TSPAN9: variants seen among roughly 807,000 people sequenced by gnomAD.
TSPAN9 encodes tetraspanin 9.
A neutral mutation model predicts 31.0 loss-of-function variants in TSPAN9; 16 were observed. The observed-to-expected ratio is 0.52, with a 90% CI of 0.35 to 0.78. TSPAN9 has a LOEUF of 0.78. TSPAN9 is among the 30% of genes least tolerant of loss of function. The pLI is 0.01. For synonymous variants in TSPAN9, 145 were observed against 121.6 expected (o/e 1.19, Z -1.27); for missense variants, 272 against 312.5 (o/e 0.87, Z 0.98).
chr12:3,225,199 G>T (rs994395707), intron 3 of TSPAN9, among the ~76,000 whole-genome samples: 3 of 152,100 alleles, frequency 2.0e-5, no homozygotes, highest in African/African-American at 7.2e-5. Flanking sequence ...CCAGTTGGGG[G>T]ACCGTGGGAA....
At chr12:3,233,845 G>A (rs958418376) in intron 3 of TSPAN9, among the ~76,000 whole-genome samples, 1 of 152,222 alleles carries the variant, frequency 6.6e-6, no homozygotes, top group African/African-American at 2.4e-5. Context: ...GAGCAGTCCT[G>A]TTGGCAGGGG....
chr12:3,146,385 G>C (rs200323742), intron 2 of TSPAN9, among the ~76,000 whole-genome samples: 1 of 152,210 alleles, frequency 6.6e-6, no homozygotes, highest in East Asian at 1.9e-4. Flanking sequence ...TTCCTCCATA[G>C]TCCCCTGACA....
intron 3 of TSPAN9, among the ~76,000 whole-genome samples, chr12:3,258,233 G>A (rs567571951): frequency 2.6e-5 from 4 of 152,210 alleles, no homozygotes; most frequent in African/African-American, 7.2e-5. Flanking sequence ...GGGCTGGTTC[G>A]TCTGCAGGTG....
At chr12:3,228,909 G>T (rs910717663) in intron 3 of TSPAN9, among the ~76,000 whole-genome samples, 4 of 152,204 alleles carry the variant, frequency 2.6e-5, no homozygotes, top group African/African-American at 9.6e-5. Flanking sequence ...TCTGGAGGCT[G>T]CCAGCATTCC....
chr12:3,195,444 G>T (rs563904943), intron 2 of TSPAN9, among the ~76,000 whole-genome samples: 1 of 151,290 alleles, frequency 6.6e-6, no homozygotes, highest in East Asian at 1.9e-4. Context: ...AAAAATAAAA[G>T]AAAAGTGAAG....
chr12:3,282,402 CT>C (rs954422624), intron 8 of TSPAN9, among the ~76,000 whole-genome samples: 2 of 152,060 alleles, frequency 1.3e-5, no homozygotes, highest in East Asian at 1.9e-4. Flanking sequence ...CTTTATTTTT[CT>C]TTTTTTAAGA....
chr12:3,219,578 A>G (rs1404195234), intron 3 of TSPAN9, among the ~76,000 whole-genome samples: 1 of 152,104 alleles, frequency 6.6e-6, no homozygotes, highest in Non-Finnish European at 1.5e-5. Context: ...AAGACTATAA[A>G]GATTTGTTTG....
At chr12:3,185,227 G>A (rs1397122133) in intron 2 of TSPAN9, among the ~76,000 whole-genome samples, 1 of 152,188 alleles carries the variant, frequency 6.6e-6, no homozygotes, top group Non-Finnish European at 1.5e-5. Context: ...AAGGGAGTTG[G>A]GGGACTCGGC....
chr12:3,226,776 ATATATATATATATATATATT>A (rs2098387897), intron 3 of TSPAN9, among the ~76,000 whole-genome samples: 1 of 1,840 alleles, frequency 5.4e-4, no homozygotes, highest in African/African-American at 1.7e-3. Context: ...ATATATATAT[ATATATATATATATATATATT>A]TTTTTTTTTT....
intron 2 of TSPAN9, among the ~76,000 whole-genome samples, chr12:3,152,206 GA>G (rs1448660510): frequency 2.0e-5 from 3 of 152,206 alleles, no homozygotes; most frequent in African/African-American, 7.2e-5. Flanking sequence ...AGCTCATAGG[GA>G]AGCAGCTGCC....
At chr12:3,252,462 C>T (rs1473656588) in intron 3 of TSPAN9, among the ~76,000 whole-genome samples, 2 of 152,196 alleles carry the variant, frequency 1.3e-5, no homozygotes, top group Non-Finnish European at 2.9e-5. Context: ...GAAATCCCAG[C>T]CCCTGGGCTC....
chr12:3,195,670 C>T lies in TSPAN9; in HGVS notation c.-17-5507C>T, dbSNP rs527284092. Among the ~76,000 whole-genome samples, 6 of 152,318 alleles carry T rather than the reference C, an allele frequency of 3.9e-5. No individual in the cohort carries two copies. The East Asian group carries it at 5.8e-4, about 15-fold the overall frequency. Reference sequence around the variant, plus strand: ...TTCATCTCTTGCCTCTCCTCCACCCCGATGCCAGTGCCAGGCCCAGCTTCC... The same window carrying T: ...TTCATCTCTTGCCTCTCCTCCACCCTGATGCCAGTGCCAGGCCCAGCTTCC... On this transcript the variant is annotated intron_variant, in intron 2 of 8. Transcript: ENST00000011898.
rs546779582 is a variant in TSPAN9, at chr12:3,118,425, C to T, written c.-18+34706C>T. Reference sequence around the variant, plus strand: ...GACAGGCACCCACCATCATGCCCGGCTAATTTTTGTATTTTTGTAGAGACG... The same window carrying T: ...GACAGGCACCCACCATCATGCCCGGTTAATTTTTGTATTTTTGTAGAGACG... On this transcript the variant is annotated intron_variant, in intron 2 of 8. Coordinates refer to ENST00000011898, the MANE Select transcript of TSPAN9 (RefSeq NM_006675.5). 1.0e-3 allele frequency among the ~76,000 whole-genome samples: 155 copies of T among 151,752 alleles called. 1 individual carries two copies. Among genetic ancestry groups the T allele is most frequent in the African/African-American group, 3.6e-3 (149 of 41,404 alleles).
In TSPAN9 at chr12:3,212,632, T is replaced by C. The variant is rs543706238; in HGVS notation, c.63+11376T>C. Among the ~76,000 whole-genome samples the C allele has an allele frequency of 9.8e-5, 15 of 152,328 alleles. No individual in the cohort carries two copies. The South Asian group carries it at 3.1e-3, about 32-fold the overall frequency. ...CCCCCAGGGTTCAGCTGAGCTCTTG[T>C]GCACACGCACTGCAGACCTGATGAG... On this transcript the variant is annotated intron_variant, in intron 3 of 8. Coordinates refer to ENST00000011898, the MANE Select transcript of TSPAN9 (RefSeq NM_006675.5).
At position 3,083,395 on chromosome 12, in the gene TSPAN9, A is replaced by G. The variant is rs560396674; in HGVS notation, c.-84-258A>G. ...TTACTTCTGTAACTGCCCGTGGCAG[A>G]CATCACTAATCAATCGCAGCTGTCT... On this transcript the variant is annotated intron_variant, in intron 1 of 8. Coordinates refer to ENST00000011898, the MANE Select transcript of TSPAN9 (RefSeq NM_006675.5). Among the ~76,000 whole-genome samples the G allele has an allele frequency of 1.4e-4, 22 of 152,354 alleles. No individual in the cohort carries two copies. In the East Asian group the frequency reaches 4.0e-3, roughly 28 times the overall value.
chr12:3,284,199 C>T lies in TSPAN9; in HGVS notation c.*1083C>T, dbSNP rs530205177. The T allele has an allele frequency of 7.2e-5, 11 of 152,800 alleles. No homozygotes were observed. Among genetic ancestry groups the T allele is most frequent in the African/African-American group, 2.6e-4 (11 of 41,594 alleles). 9.5% of individuals were successfully genotyped at this position (152,800 alleles called of 1,614,324 possible). On this transcript the variant is annotated 3_prime_UTR_variant, in exon 9 of 9. Transcript: ENST00000011898. ...ACACCCCAGTTATTTCACAGACATTCCTGCTAGAAACTGTCAGACAAATAC... is the reference window on the plus strand; with the variant it reads ...ACACCCCAGTTATTTCACAGACATTTCTGCTAGAAACTGTCAGACAAATAC...
chr12:3,163,018 G>T (rs2098346258), intron 2 of TSPAN9, among the ~76,000 whole-genome samples: 1 of 152,168 alleles, frequency 6.6e-6, no homozygotes, highest in Non-Finnish European at 1.5e-5. Context: ...CCCCAGTAGG[G>T]CCCCAACTCT....
intron 3 of TSPAN9, among the ~76,000 whole-genome samples, chr12:3,236,160 C>T (rs547008404): frequency 1.3e-5 from 2 of 150,676 alleles, no homozygotes; most frequent in South Asian, 4.1e-4. Context: ...TTGGTTTGAA[C>T]CCCCTGCTCT....
chr12:3,152,848 A>G (rs909213470), intron 2 of TSPAN9, among the ~76,000 whole-genome samples: 3 of 152,218 alleles, frequency 2.0e-5, no homozygotes, highest in African/African-American at 7.2e-5. Context: ...TTGGCCTCCC[A>G]AAGTGCTGAG....
Sources: allele counts gnomAD v4.1 joint callset (sites outside exome capture counted in the v4.1 genomes callset), GRCh38; gene constraint gnomAD v4.1.1; transcripts MANE v1.5; gene names NCBI Gene and HGNC (gene_info 2026-07-23, HGNC 2026-07-21).